CSNK1G1: variants seen among roughly 807,000 people sequenced by gnomAD.
The protein encoded by CSNK1G1 is casein kinase 1 gamma 1, also known as casein kinase I isoform gamma-1.
CSNK1G1 carries 22 observed loss-of-function variants against 59.6 expected under a neutral mutation model. The ratio of observed to expected loss-of-function variants is 0.37; its 90% confidence interval spans 0.26 to 0.53. The LOEUF (loss-of-function observed/expected upper bound fraction) is 0.53. CSNK1G1 is among the 20% of genes least tolerant of loss of function. The pLI is 0.89. For missense variants in CSNK1G1, 384 were observed against 519.5 expected (o/e 0.74, Z 2.54); for synonymous variants, 179 against 177.1 (o/e 1.01, Z -0.08).
At chr15:64,196,694 C>T (rs112936380) in intron 10 of CSNK1G1, among the ~76,000 whole-genome samples, 37 of 151,988 alleles carry the variant, frequency 2.4e-4, no homozygotes, top group Non-Finnish European at 3.5e-4. Flanking sequence ...TCAGGTGATC[C>T]GCCCGCCTCG....
chr15:64,247,684 G>C (rs1891831141), intron 4 of CSNK1G1, among the ~76,000 whole-genome samples: 1 of 152,162 alleles, frequency 6.6e-6, no homozygotes, highest in Admixed American at 6.5e-5. Flanking sequence ...TACATAATTA[G>C]AGAATTGGTA....
intron 2 of CSNK1G1, among the ~76,000 whole-genome samples, chr15:64,281,021 A>G (rs1384862056): frequency 2.0e-5 from 3 of 151,966 alleles, no homozygotes; most frequent in African/African-American, 7.3e-5. Context: ...CTGGGACTAC[A>G]GGCACCCGCC....
At chr15:64,213,671 CAT>C (rs1468657177) in intron 6 of CSNK1G1, among the ~76,000 whole-genome samples, 2 of 152,212 alleles carry the variant, frequency 1.3e-5, no homozygotes, top group Admixed American at 6.5e-5. Context: ...AGAAACTAAA[CAT>C]TTGGAAACAG....
chr15:64,235,338 T>C lies in CSNK1G1; in HGVS notation c.292+16174A>G, dbSNP rs556993163. Among the ~76,000 whole-genome samples the C allele has an allele frequency of 2.0e-5, 3 of 152,334 alleles. No individual in the cohort carries two copies. In the East Asian group the frequency reaches 5.8e-4, roughly 29 times the overall value. ...TGCTCTACCTCCTCTTAAACCAACA[T>C]TTTTTATTGGCTTGTTTCACACAAT... On this transcript the variant is annotated intron_variant, in intron 4 of 11. Transcript: ENST00000303052.
At chr15:64,316,668 G>A (rs1394710253) in intron 1 of CSNK1G1, among the ~76,000 whole-genome samples, 1 of 151,934 alleles carries the variant, frequency 6.6e-6, no homozygotes, top group African/African-American at 2.4e-5. Flanking sequence ...AAAACTAAAA[G>A]GCAGAAATGA....
chr15:64,300,755 A>C (rs1895285259), intron 1 of CSNK1G1, 32 bp from the exon 2 acceptor site: 1 of 1,218,752 alleles, frequency 8.2e-7, no homozygotes. Context: ...ATGTAGTTAA[A>C]AATTAAATTT....
chr15:64,204,960 T>G lies in CSNK1G1; in HGVS notation c.766-11A>C. The G allele has an allele frequency of 6.6e-7, 1 of 1,521,746 alleles. No individual in the cohort carries two copies. Among genetic ancestry groups the G allele is most frequent in the East Asian group, 2.3e-5 (1 of 43,874 alleles). 94.3% of individuals were successfully genotyped at this position (1,521,746 alleles called of 1,614,324 possible). Reference sequence around the variant, plus strand: ...TTTTAATGTGTCAGCCTGTAGAGAGTAAAGAGAGAAAGTTACTTTAAAAGA... The same window carrying G: ...TTTTAATGTGTCAGCCTGTAGAGAGGAAAGAGAGAAAGTTACTTTAAAAGA... On this transcript the variant is annotated splice_polypyrimidine_tract_variant and intron_variant, in intron 7 of 11. Transcript: ENST00000303052.
chr15:64,238,758 C>T (rs2082654532), intron 4 of CSNK1G1, among the ~76,000 whole-genome samples: 1 of 151,620 alleles, frequency 6.6e-6, no homozygotes, highest in African/African-American at 2.4e-5. Flanking sequence ...GGAGTTGGGC[C>T]AGGGCTGTGC....
At chr15:64,281,580 G>A (rs1166301450) in intron 2 of CSNK1G1, among the ~76,000 whole-genome samples, 1 of 152,184 alleles carries the variant, frequency 6.6e-6, no homozygotes, top group Non-Finnish European at 1.5e-5. Flanking sequence ...GCTCAAGCCT[G>A]CAATCCCAGG....
At chr15:64,286,372 A>AATATTGTTAACAATATATTGTTAACTC (rs1894421717) in intron 2 of CSNK1G1, among the ~76,000 whole-genome samples, 1 of 151,444 alleles carries the variant, frequency 6.6e-6, no homozygotes, top group South Asian at 2.1e-4. Context: ...TATTGTTAAC[A>AATATTGTTAACAATATATTGTTAACTC]ATATTGTTAA....
intron 2 of CSNK1G1, among the ~76,000 whole-genome samples, chr15:64,270,388 T>C (rs1018326913): frequency 6.6e-6 from 1 of 152,224 alleles, no homozygotes; most frequent in Admixed American, 6.5e-5. Context: ...ATTTTCATTG[T>C]GATACTAGGT....
At chr15:64,263,134 T>C (rs1892787474) in intron 2 of CSNK1G1, among the ~76,000 whole-genome samples, 2 of 151,784 alleles carry the variant, frequency 1.3e-5, no homozygotes, top group South Asian at 4.2e-4. Flanking sequence ...CACTTACATA[T>C]TTGTTTCTTC....
intron 1 of CSNK1G1, among the ~76,000 whole-genome samples, chr15:64,307,823 A>C (rs1175312763): frequency 6.6e-6 from 1 of 152,100 alleles, no homozygotes; most frequent in Non-Finnish European, 1.5e-5. Flanking sequence ...AGTAGCTGGG[A>C]CTACAGGTGC....
At chr15:64,282,191 A>G (rs1193468589) in intron 2 of CSNK1G1, among the ~76,000 whole-genome samples, 2 of 152,148 alleles carry the variant, frequency 1.3e-5, no homozygotes, top group Admixed American at 1.3e-4. Flanking sequence ...GGCCTCCCAA[A>G]GTGCTGGGAT....
intron 2 of CSNK1G1, among the ~76,000 whole-genome samples, chr15:64,262,931 T>C (rs980392516): frequency 6.6e-6 from 1 of 151,456 alleles, no homozygotes; most frequent in Non-Finnish European, 1.5e-5. Context: ...AATACAAAAT[T>C]AGCCAGGTGT....
intron 1 of CSNK1G1, among the ~76,000 whole-genome samples, chr15:64,316,535 C>CAAAAA (rs66620488): frequency 6.4e-5 from 6 of 94,090 alleles, no homozygotes; most frequent in African/African-American, 1.5e-4. Flanking sequence ...GACTCTGTCT[C>CAAAAA]AAAAAAAAAA....
chr15:64,205,863 G>A (rs1011346789), intron 7 of CSNK1G1, among the ~76,000 whole-genome samples: 1 of 152,138 alleles, frequency 6.6e-6, no homozygotes, highest in Non-Finnish European at 1.5e-5. Flanking sequence ...AAAGGGAATG[G>A]GTGGAAGTCT....
At chr15:64,327,372 C>A (rs1232620784) in intron 1 of CSNK1G1, among the ~76,000 whole-genome samples, 1 of 150,854 alleles carries the variant, frequency 6.6e-6, no homozygotes, top group African/African-American at 2.4e-5. Context: ...GACCCCTGAC[C>A]CCCGAGCAGC....
intron 6 of CSNK1G1, among the ~76,000 whole-genome samples, chr15:64,213,237 T>G (rs1405971604): frequency 6.6e-6 from 1 of 152,166 alleles, no homozygotes; most frequent in Non-Finnish European, 1.5e-5. Flanking sequence ...GAGGCTTTTT[T>G]GAAGTGGATA....
Sources: gnomAD v4.1 joint callset for allele counts (sites outside exome capture counted in the v4.1 genomes callset) on GRCh38, gnomAD v4.1.1 for gene constraint, MANE v1.5 for transcripts, NCBI Gene and HGNC (gene_info 2026-07-23, HGNC 2026-07-21) for gene names.